Variants in STARD9 observed in about 807,000 individuals in gnomAD.
STARD9 encodes stAR-related lipid transfer protein 9.
STARD9 carries 346 observed loss-of-function variants against 399.8 expected under a neutral mutation model. The observed-to-expected ratio is 0.87, with a 90% CI of 0.79 to 0.95. The LOEUF (loss-of-function observed/expected upper bound fraction) is 0.95, where lower values mean the gene tolerates loss of function less well. STARD9 is among the 40% of genes least tolerant of loss of function. The probability of loss-of-function intolerance (pLI) is 0.00; values close to 1 mark genes in which losing one functional copy is unlikely to be tolerated. For missense variants in STARD9, 5,832 were observed against 5,667.5 expected (o/e 1.03, Z -0.93); for synonymous variants, 2,203 against 2,143.5 (o/e 1.03, Z -0.77).
intron 20 of STARD9, 62 bp downstream of exon 20, chr15:42,676,037 G>T: frequency 1.2e-6 from 1 of 835,472 alleles, no homozygotes; most frequent in Non-Finnish European, 1.9e-6. Flanking sequence ...GTCCATGACA[G>T]CATGGATCAG....
chr15:42,675,935 G>C lies in STARD9; in HGVS notation c.1834G>C (p.Ala612Pro), dbSNP rs1389892291. Reference protein sequence around the residue: ...EWLDLDGDLAASRLGLSPLLW... With the variant: ...EWLDLDGDLAPSRLGLSPLLW... Reference sequence around the variant, plus strand: ...GCTGGATTTGGATGGAGATCTCGCTGCCTCCCGGCTGGGTCTCTCCCCTTT... The same window carrying C: ...GCTGGATTTGGATGGAGATCTCGCTCCCTCCCGGCTGGGTCTCTCCCCTTT... Residue 612 changes from alanine to proline, a missense_variant, in exon 20 of 33, where the codon GCC (alanine) becomes CCC (proline). Ala to Pro is a conservative substitution (Grantham distance 27). Around this residue, in one of 2 missense-constraint regions of STARD9, gnomAD observed 5,828 missense variants for 5,651.1 expected, o/e 1.03. Transcript: ENST00000290607. 1.3e-6 allele frequency: 2 copies of C among 1,536,840 alleles called. No individual in the cohort carries two copies. The highest frequency in any genetic ancestry group is 1.7e-6 in the Non-Finnish European group (2 of 1,146,866).
intron 21 of STARD9, among the ~76,000 whole-genome samples, 178 bp downstream of exon 21, chr15:42,681,790 GA>G (rs1441623599): frequency 6.6e-6 from 1 of 152,164 alleles, no homozygotes; most frequent in Non-Finnish European, 1.5e-5. Flanking sequence ...CTGGAAGCAA[GA>G]ATAAGGACGC....
intron 9 of STARD9, among the ~76,000 whole-genome samples, chr15:42,653,933 G>A (rs983762124): frequency 6.6e-6 from 1 of 152,082 alleles, no homozygotes; most frequent in African/African-American, 2.4e-5. Context: ...AACAGCACAA[G>A]GGAAATGAAA....
chr15:42,646,030 T>A (rs2059638796), intron 7 of STARD9, among the ~76,000 whole-genome samples: 1 of 151,940 alleles, frequency 6.6e-6, no homozygotes, highest in African/African-American at 2.4e-5. Flanking sequence ...ACGTGGTGGC[T>A]GGTGCCTGTA....
chr15:42,644,337 CA>C (rs1445441759), intron 7 of STARD9, among the ~76,000 whole-genome samples: 1 of 151,888 alleles, frequency 6.6e-6, no homozygotes, highest in African/African-American at 2.4e-5. Flanking sequence ...ACTGAAAATA[CA>C]AAAAATTAGC....
intron 3 of STARD9, among the ~76,000 whole-genome samples, chr15:42,633,702 G>A (rs2059371976): frequency 6.7e-6 from 1 of 149,674 alleles, no homozygotes; most frequent in African/African-American, 2.5e-5. Context: ...GGAGGGCAGT[G>A]GCACGATCTC....
At chr15:42,626,004 C>G (rs2059199866) in intron 3 of STARD9, among the ~76,000 whole-genome samples, 5 of 152,114 alleles carry the variant, frequency 3.3e-5, no homozygotes, top group Non-Finnish European at 4.4e-5. Flanking sequence ...TCACTGCAGC[C>G]TCTGCCTCCT....
chr15:42,644,353 T>C (rs1341389325), intron 7 of STARD9, among the ~76,000 whole-genome samples: 1 of 151,770 alleles, frequency 6.6e-6, no homozygotes, highest in Non-Finnish European at 1.5e-5. Flanking sequence ...ATTAGCCGGG[T>C]GTGGTGGCGG....
At chr15:42,633,145 TAAA>T (rs758886456) in intron 3 of STARD9, among the ~76,000 whole-genome samples, 1 of 139,752 alleles carries the variant, frequency 7.2e-6, no homozygotes. Flanking sequence ...CTGTCTCAAT[TAAA>T]AAAAAAAAAA....
chr15:42,690,127 G>A lies in STARD9; in HGVS notation c.8549G>A (p.Ser2850Asn). Residue 2850 changes from serine (S) to asparagine (N), a missense_variant, in exon 23 of 33, where the codon AGT becomes AAT. By Grantham distance (46) the Ser-to-Asn change is conservative. Around this residue, in one of 2 missense-constraint regions of STARD9, gnomAD observed 5,828 missense variants for 5,651.1 expected, o/e 1.03. Transcript: ENST00000290607. The stretch of plus-strand genomic sequence containing the variant: ...ACTGGCTTTGAAGAAGGTAGGGCAA[G>A]TCCCAAACAAGATACCATTCTGCCT... ...ASTGFEEGRA[S>N]PKQDTILPGA... 25 of 1,537,846 alleles carry A rather than the reference G, an allele frequency of 1.6e-5. No homozygotes were observed. The highest frequency in any genetic ancestry group is 2.2e-5 in the Non-Finnish European group (25 of 1,147,046).
At chr15:42,716,227 G>C (rs1566969314) in intron 26 of STARD9, among the ~76,000 whole-genome samples, 1 of 152,068 alleles carries the variant, frequency 6.6e-6, no homozygotes, top group Admixed American at 6.6e-5. Flanking sequence ...ACCTGGGGTG[G>C]GGGTCAAGCG....
Position 42,684,658 on chromosome 15 carries a change from C to T in STARD9, c.3080C>T (p.Thr1027Ile). The change falls in exon 23 of 33, where the codon ACT becomes ATT. Residue 1027 changes from threonine to isoleucine, a missense_variant. Around this residue, in one of 2 missense-constraint regions of STARD9, gnomAD observed 5,828 missense variants for 5,651.1 expected, o/e 1.03. Coordinates refer to ENST00000290607, the MANE Select transcript of STARD9 (RefSeq NM_020759.3). ...QTAGHGKAVK[T>I]FWTEYKPPSP... Reference sequence around the variant, plus strand: ...GCTGGGCACGGAAAGGCAGTCAAGACTTTTTGGACAGAATACAAACCACCT... The same window carrying T: ...GCTGGGCACGGAAAGGCAGTCAAGATTTTTTGGACAGAATACAAACCACCT... The T allele has an allele frequency of 1.3e-6, 2 of 1,537,172 alleles. No homozygotes were observed. Among genetic ancestry groups the T allele is most frequent in the Non-Finnish European group, 1.7e-6 (2 of 1,146,884 alleles).
At chr15:42,588,187 G>A (rs1440285896) in intron 3 of STARD9, among the ~76,000 whole-genome samples, 1 of 151,440 alleles carries the variant, frequency 6.6e-6, no homozygotes, top group African/African-American at 2.4e-5. Flanking sequence ...TAGAGGGGGT[G>A]TGTGAATGTG....
chr15:42,586,016 T>G (rs1057286249), intron 3 of STARD9, among the ~76,000 whole-genome samples: 20 of 152,236 alleles, frequency 1.3e-4, no homozygotes, highest in African/African-American at 4.3e-4. Context: ...TGTTTTGGTC[T>G]GAGAAATGGT....
intron 7 of STARD9, among the ~76,000 whole-genome samples, chr15:42,647,399 T>C (rs535111526): frequency 6.6e-6 from 1 of 152,324 alleles, no homozygotes; most frequent in East Asian, 1.9e-4. Flanking sequence ...ATTTTTGTTT[T>C]ATATATTTTG....
At chr15:42,676,808 T>C (rs1659844057) in intron 20 of STARD9, among the ~76,000 whole-genome samples, 1 of 152,178 alleles carries the variant, frequency 6.6e-6, no homozygotes. Context: ...GCCAAACACC[T>C]TGAGCACAGG....
chr15:42,686,854 C>A lies in STARD9; in HGVS notation c.5276C>A (p.Thr1759Asn), dbSNP rs1465845612. ...AAAAGCAGGGATGCCCTGACAGAAA[C>A]TGCCTTAGAGATTCCAGCTTGCAGA... The part of the protein sequence containing the change: ...VTKSRDALTE[T>N]ALEIPACREV... Residue 1759 changes from threonine to asparagine, a missense_variant, in exon 23 of 33, where the codon ACT becomes AAT. This residue lies in a region of STARD9 where 5,828 missense variants were observed against 5,651.1 expected (regional missense o/e 1.03). Transcript: ENST00000290607. 6.5e-7 allele frequency: 1 copy of A among 1,537,006 alleles called. No homozygotes were observed. Among genetic ancestry groups the A allele is most frequent in the Non-Finnish European group, 8.7e-7 (1 of 1,146,918 alleles).
chr15:42,691,211 A>G lies in STARD9; in HGVS notation c.9633A>G (p.Glu3211=). 2 of 1,537,280 alleles carry G rather than the reference A, an allele frequency of 1.3e-6. No individual in the cohort carries two copies. Among genetic ancestry groups the G allele is most frequent in the South Asian group, 2.4e-5 (2 of 84,058 alleles). ...CCCAGGAAGACAGTCCCTGGCAGGA[A>G]GAAGAGCAGCACAGAGACCAGGCTT... ...CSPQEDSPWQ[E]EEQHRDQASG... The change falls in exon 23 of 33, where the codon GAA becomes GAG. Residue 3211 remains glutamate (E), a synonymous_variant. Coordinates refer to ENST00000290607, the MANE Select transcript of STARD9 (RefSeq NM_020759.3).
At chr15:42,708,702 G>A (rs1430991001) in intron 26 of STARD9, among the ~76,000 whole-genome samples, 1 of 151,572 alleles carries the variant, frequency 6.6e-6, no homozygotes, top group South Asian at 2.1e-4. Flanking sequence ...TGTAAGACAG[G>A]TAATGTGCTG....
Sources: allele counts gnomAD v4.1 joint callset (sites outside exome capture counted in the v4.1 genomes callset), GRCh38; gene constraint gnomAD v4.1.1; regional missense constraint gnomAD v4.1.1; transcripts MANE v1.5; gene names NCBI Gene and HGNC (gene_info 2026-07-23, HGNC 2026-07-21).